The following SCHIP1 variants were observed in gnomAD, a reference collection of about 807,000 sequenced individuals.
SCHIP1 encodes schwannomin-interacting protein 1.
In SCHIP1, 8 loss-of-function variants were observed where a neutral mutation model predicts 29.7. That is an observed-to-expected ratio of 0.27 (90% CI 0.16 to 0.49). SCHIP1 has a LOEUF of 0.49. Ranked by LOEUF, SCHIP1 falls within the 20% of genes least tolerant of loss-of-function variation. The pLI is 0.99. For synonymous variants in SCHIP1, 76 were observed against 94.9 expected (o/e 0.80, Z 1.16); for missense variants, 193 against 294.6 (o/e 0.66, Z 2.52).
the SCHIP1 span, among the ~76,000 whole-genome samples, chr3:159,815,141 A>T: frequency 6.6e-6 from 1 of 152,134 alleles, no homozygotes. Flanking sequence ...CCCATCCCAT[A>T]ATGGACAGTT....
intron 1 of SCHIP1, among the ~76,000 whole-genome samples, chr3:159,851,102 C>A (rs1712570720): frequency 6.6e-6 from 1 of 151,926 alleles, no homozygotes; most frequent in South Asian, 2.1e-4. Flanking sequence ...AGTGAGATCC[C>A]ATCCCTACAA....
chr3:159,469,351 C>G, the SCHIP1 span, among the ~76,000 whole-genome samples: 1 of 152,078 alleles, frequency 6.6e-6, no homozygotes, highest in South Asian at 2.1e-4. Flanking sequence ...CACCGCCAAG[C>G]TAAAACTAGG....
chr3:159,620,888 T>G, the SCHIP1 span, among the ~76,000 whole-genome samples: 2 of 152,242 alleles, frequency 1.3e-5, no homozygotes, highest in African/African-American at 4.8e-5. Context: ...ATTCTTCTCA[T>G]GGCATCCCTT....
chr3:159,795,948 C>T, the SCHIP1 span, among the ~76,000 whole-genome samples: 1 of 152,120 alleles, frequency 6.6e-6, no homozygotes, highest in African/African-American at 2.4e-5. Context: ...TGGGCCTCTC[C>T]CCAGGCATAA....
At chr3:159,689,126 T>G in the SCHIP1 span, among the ~76,000 whole-genome samples, 1 of 152,234 alleles carries the variant, frequency 6.6e-6, no homozygotes, top group South Asian at 2.1e-4. Flanking sequence ...TTTTTCTAAT[T>G]CTGTGAAGAA....
the SCHIP1 span, among the ~76,000 whole-genome samples, chr3:159,790,159 C>T: frequency 1.1e-3 from 165 of 152,304 alleles, no homozygotes; most frequent in African/African-American, 3.9e-3. Flanking sequence ...TGAAAGAGTG[C>T]TCCTCTCTGC....
chr3:159,384,524 A>G, the SCHIP1 span, among the ~76,000 whole-genome samples: 1 of 145,864 alleles, frequency 6.9e-6, no homozygotes, highest in South Asian at 2.2e-4. Flanking sequence ...TATTTTATTG[A>G]GGATTTTTGC....
At chr3:159,828,912 T>G in the SCHIP1 span, among the ~76,000 whole-genome samples, 1 of 152,196 alleles carries the variant, frequency 6.6e-6, no homozygotes, top group Non-Finnish European at 1.5e-5. Flanking sequence ...CTTCTTGACA[T>G]GACAACCCAA....
chr3:159,510,541 G>C, the SCHIP1 span, among the ~76,000 whole-genome samples: 1 of 150,606 alleles, frequency 6.6e-6, no homozygotes, highest in Non-Finnish European at 1.5e-5. Flanking sequence ...GAGGAGAGGC[G>C]CTCTGATTTT....
At chr3:159,546,347 G>A in the SCHIP1 span, among the ~76,000 whole-genome samples, 7 of 152,052 alleles carry the variant, frequency 4.6e-5, no homozygotes, top group African/African-American at 1.7e-4. Context: ...ATTAACTGTA[G>A]TATTTTCTGT....
chr3:159,504,090 A>C, the SCHIP1 span, among the ~76,000 whole-genome samples: 5 of 152,170 alleles, frequency 3.3e-5, no homozygotes, highest in Admixed American at 1.3e-4. Flanking sequence ...TTGGAACTCT[A>C]TCTCTCAGGT....
At chr3:159,478,744 A>G in the SCHIP1 span, among the ~76,000 whole-genome samples, 1 of 152,138 alleles carries the variant, frequency 6.6e-6, no homozygotes, top group East Asian at 1.9e-4. Flanking sequence ...GTTTTCTTCA[A>G]TTTCTTTCAT....
At chr3:159,513,104 T>A in the SCHIP1 span, among the ~76,000 whole-genome samples, 1 of 152,244 alleles carries the variant, frequency 6.6e-6, no homozygotes, top group Non-Finnish European at 1.5e-5. Flanking sequence ...TGCAAAATTA[T>A]TGTATTTTAT....
chr3:159,897,210 A>C (rs1440448117), exon 7 of SCHIP1: 1 of 153,058 alleles, frequency 6.5e-6, no homozygotes, highest in African/African-American at 2.4e-5. Flanking sequence ...TCTCCGTAAT[A>C]TGTATATTTT....
chr3:159,443,525 T>G, the SCHIP1 span, among the ~76,000 whole-genome samples: 1 of 152,160 alleles, frequency 6.6e-6, no homozygotes, highest in South Asian at 2.1e-4. Context: ...TCCCTTTTTT[T>G]TTGAGACGGA....
chr3:159,660,907 A>G, the SCHIP1 span, among the ~76,000 whole-genome samples: 2 of 152,206 alleles, frequency 1.3e-5, no homozygotes, highest in Non-Finnish European at 2.9e-5. Flanking sequence ...CAGTCCATCC[A>G]TCTATCTATC....
the SCHIP1 span, among the ~76,000 whole-genome samples, chr3:159,799,223 C>G: frequency 6.6e-6 from 1 of 152,244 alleles, no homozygotes; most frequent in African/African-American, 2.4e-5. Context: ...CTGGGGCACT[C>G]AGACACAGGT....
chr3:159,619,003 A>G, the SCHIP1 span, among the ~76,000 whole-genome samples: 1 of 152,196 alleles, frequency 6.6e-6, no homozygotes, highest in African/African-American at 2.4e-5. Context: ...CATTTCAGCA[A>G]TTTTAAAGGT....
the SCHIP1 span, among the ~76,000 whole-genome samples, chr3:159,300,315 G>A: frequency 6.7e-6 from 1 of 149,568 alleles, no homozygotes; most frequent in African/African-American, 2.5e-5. Flanking sequence ...TTTTTTTTTT[G>A]TAGAGATGAA....
Sources: gnomAD v4.1 joint callset for allele counts (sites outside exome capture counted in the v4.1 genomes callset) on GRCh38, gnomAD v4.1.1 for gene constraint, MANE v1.5 for transcripts, NCBI Gene and HGNC (gene_info 2026-07-23, HGNC 2026-07-21) for gene names.